PAK5: variants seen among roughly 807,000 people sequenced by gnomAD.
PAK5 encodes p21 (RAC1) activated kinase 5.
PAK5 carries 16 observed loss-of-function variants against 65.9 expected under a neutral mutation model. The ratio of observed to expected loss-of-function variants is 0.24; its 90% confidence interval spans 0.16 to 0.37. The LOEUF (loss-of-function observed/expected upper bound fraction) is 0.37. PAK5 is among the 10% of genes least tolerant of loss of function. PAK5 has a pLI of 1.00. For synonymous variants in PAK5, 371 were observed against 354.9 expected, an observed-to-expected ratio of 1.05 and a Z score of -0.51; for missense variants, 785 against 903.9, an observed-to-expected ratio of 0.87 and a Z score of 1.69.
At chr20:9,563,764 A>G (rs2045628640) in intron 5 of PAK5, among the ~76,000 whole-genome samples, 1 of 152,152 alleles carries the variant, frequency 6.6e-6, no homozygotes, top group African/African-American at 2.4e-5. Flanking sequence ...TGGAAAATAA[A>G]TTCCAGAAAC....
Position 9,643,374 on chromosome 20 carries a change from T to C in PAK5, c.204+751A>G, listed in dbSNP as rs536964050. On this transcript the variant is annotated intron_variant, in intron 3 of 9. Transcript: ENST00000353224. Reference sequence around the variant, plus strand: ...TGCAATCCCTGGATTTTCTTTGTAGTAACTTGGCATAACTGAAATCTTTTT... The same window carrying C: ...TGCAATCCCTGGATTTTCTTTGTAGCAACTTGGCATAACTGAAATCTTTTT... 1.4e-4 allele frequency among the ~76,000 whole-genome samples: 22 copies of C among 152,354 alleles called. No homozygotes were observed. In the South Asian group the frequency reaches 2.9e-3, roughly 20 times the overall value.
In PAK5 at chr20:9,766,304, C is replaced by A. The variant is rs573422535; in HGVS notation, c.-161-54869G>T. ...TCTAATTGAATATATATATATTCTA[C>A]TTGAATATATATATATTCTACTTAC... On this transcript the variant is annotated intron_variant, in intron 1 of 9. Coordinates refer to ENST00000353224, the MANE Select transcript of PAK5 (RefSeq NM_177990.4). Among the ~76,000 whole-genome samples the A allele has an allele frequency of 1.1e-3, 153 of 141,506 alleles. 1 individual carries two copies. Among genetic ancestry groups the A allele is most frequent in the Middle Eastern group, 3.8e-3 (1 of 260 alleles). The allele number at this position is 141,506 out of a possible 152,430, so 92.8% of individuals were successfully genotyped here.
intron 1 of PAK5, among the ~76,000 whole-genome samples, chr20:9,778,493 C>T (rs535321743): frequency 6.6e-6 from 1 of 152,304 alleles, no homozygotes; most frequent in Admixed American, 6.5e-5. Context: ...CTACATTGGC[C>T]TCCCAAAGGA....
chr20:9,670,753 A>G (rs6108325), intron 2 of PAK5, among the ~76,000 whole-genome samples: 40,289 of 151,926 alleles, frequency 0.27, 5,810 homozygotes, highest in African/African-American at 0.36. Flanking sequence ...AGTTTCTTTC[A>G]CTGTGCAGAA....
chr20:9,754,499 G>A (rs945143166), intron 1 of PAK5, among the ~76,000 whole-genome samples: 3 of 152,098 alleles, frequency 2.0e-5, no homozygotes, highest in Admixed American at 6.5e-5. Flanking sequence ...TCCATTGAGT[G>A]CAAGGTCTGA....
chr20:9,594,298 C>T (rs1361521303), intron 3 of PAK5, among the ~76,000 whole-genome samples: 1 of 152,196 alleles, frequency 6.6e-6, no homozygotes, highest in Non-Finnish European at 1.5e-5. Context: ...ACAAAATCTC[C>T]AGGTAATTAA....
At chr20:9,595,376 G>T (rs934284003) in intron 3 of PAK5, among the ~76,000 whole-genome samples, 6 of 152,124 alleles carry the variant, frequency 3.9e-5, no homozygotes, top group African/African-American at 1.4e-4. Flanking sequence ...GCAGGACTCT[G>T]AAAAGAGTTT....
intron 1 of PAK5, among the ~76,000 whole-genome samples, chr20:9,773,596 T>C (rs960223133): frequency 1.3e-5 from 2 of 151,952 alleles, no homozygotes; most frequent in Non-Finnish European, 2.9e-5. Flanking sequence ...AGGAAGTATA[T>C]GAGAAAGAGA....
intron 3 of PAK5, among the ~76,000 whole-genome samples, chr20:9,640,193 C>T (rs1235852407): frequency 1.4e-5 from 2 of 145,938 alleles, no homozygotes; most frequent in Non-Finnish European, 3.0e-5. Context: ...TCTCCTAATG[C>T]TATCCCTCCC....
chr20:9,796,386 C>T lies in PAK5; in HGVS notation c.-162+42376G>A, dbSNP rs2049104649. On this transcript the variant is annotated intron_variant, in intron 1 of 9. Coordinates refer to ENST00000353224, the MANE Select transcript of PAK5 (RefSeq NM_177990.4). ...TGCAAAGAGATGGGAGGCATCAAAG[C>T]AAAGGGAACAACAGACACAAATGGC... Among the ~76,000 whole-genome samples, 3 of 151,876 alleles carry T rather than the reference C, an allele frequency of 2.0e-5. No homozygotes were observed. In the South Asian group the frequency reaches 6.2e-4, roughly 32 times the overall value.
In PAK5 at chr20:9,597,268, C is replaced by T. The variant is rs148893528; in HGVS notation, c.205-16338G>A. Among the ~76,000 whole-genome samples the T allele has an allele frequency of 2.8e-3, 432 of 152,328 alleles. 3 individuals are homozygous for T. Among genetic ancestry groups the T allele is most frequent in the African/African-American group, 9.7e-3 (403 of 41,568 alleles). On this transcript the variant is annotated intron_variant, in intron 3 of 9. Transcript: ENST00000353224. ...TGCTTTGAAGGCTCTCTCCATGTCT[C>T]AGCTAATCCAGATAGTTACAGCTCC...
At chr20:9,738,150 A>AAAACAAAC (rs776530449) in intron 1 of PAK5, among the ~76,000 whole-genome samples, 1 of 152,096 alleles carries the variant, frequency 6.6e-6, no homozygotes, top group African/African-American at 2.4e-5. Flanking sequence ...TCAAAAACAA[A>AAAACAAAC]AAACAAACAA....
At chr20:9,685,967 T>C (rs2123418150) in intron 2 of PAK5, among the ~76,000 whole-genome samples, 1 of 152,336 alleles carries the variant, frequency 6.6e-6, no homozygotes, top group East Asian at 1.9e-4. Context: ...TGTTGCTACA[T>C]GCAATGAACA....
At chr20:9,676,222 T>C (rs2047570077) in intron 2 of PAK5, among the ~76,000 whole-genome samples, 1 of 151,864 alleles carries the variant, frequency 6.6e-6, no homozygotes, top group Non-Finnish European at 1.5e-5. Context: ...GCCCCCATGA[T>C]TCAATTACCT....
chr20:9,727,938 C>T (rs1325115917), intron 1 of PAK5, among the ~76,000 whole-genome samples: 1 of 152,064 alleles, frequency 6.6e-6, no homozygotes, highest in Non-Finnish European at 1.5e-5. Context: ...ATCACTTCTT[C>T]AAGGAGACTC....
intron 3 of PAK5, among the ~76,000 whole-genome samples, chr20:9,634,255 T>C (rs1432545428): frequency 6.6e-6 from 1 of 152,198 alleles, no homozygotes. Context: ...TACAGAGCTG[T>C]CACTCTGGGT....
chr20:9,713,825 T>C (rs1376818005), intron 1 of PAK5, among the ~76,000 whole-genome samples: 1 of 151,876 alleles, frequency 6.6e-6, no homozygotes, highest in Non-Finnish European at 1.5e-5. Context: ...AGGTAGATGG[T>C]AGAATAATGG....
intron 3 of PAK5, among the ~76,000 whole-genome samples, chr20:9,585,015 G>A (rs996071832): frequency 3.9e-5 from 6 of 152,052 alleles, no homozygotes; most frequent in African/African-American, 7.2e-5. Context: ...GGATCTACTC[G>A]GATAATCCTT....
intron 1 of PAK5, among the ~76,000 whole-genome samples, chr20:9,818,015 A>G (rs1479725914): frequency 6.6e-6 from 1 of 152,224 alleles, no homozygotes; most frequent in Non-Finnish European, 1.5e-5. Flanking sequence ...CTGTTGTAAA[A>G]TCAAAGAAGG....
Sources: gnomAD v4.1 joint callset for allele counts (sites outside exome capture counted in the v4.1 genomes callset) on GRCh38, gnomAD v4.1.1 for gene constraint, MANE v1.5 for transcripts, NCBI Gene and HGNC (gene_info 2026-07-23, HGNC 2026-07-21) for gene names.